Variants in TSGA10 observed in about 807,000 individuals in gnomAD.
The protein encoded by TSGA10 is testis-specific gene 10 protein.
TSGA10 carries 43 observed loss-of-function variants against 96.6 expected under a neutral mutation model. The ratio of observed to expected loss-of-function variants is 0.44; its 90% CI spans 0.35 to 0.57. The LOEUF is 0.57. Ranked by LOEUF, TSGA10 falls within the 20% of genes least tolerant of loss-of-function variation. The probability of loss-of-function intolerance (pLI) is 0.01; values close to 1 mark genes in which losing one functional copy is unlikely to be tolerated. For synonymous variants in TSGA10, 229 were observed against 269.9 expected (o/e 0.85, Z 1.48); for missense variants, 703 against 834.4 (o/e 0.84, Z 1.94).
At chr2:99,102,192 A>C in intron 10 of TSGA10, 1 of 1,588,760 alleles carries the variant, frequency 6.3e-7, no homozygotes, top group South Asian at 1.1e-5. Flanking sequence ...TATTCAGTTA[A>C]CTTTCAAACA....
At chr2:99,015,624 AC>A (rs2079445246) in intron 20 of TSGA10, among the ~76,000 whole-genome samples, 2 of 152,174 alleles carry the variant, frequency 1.3e-5, no homozygotes, top group Admixed American at 1.3e-4. Context: ...CTTCTATTCA[AC>A]ATAGTATCTG....
intron 4 of TSGA10, among the ~76,000 whole-genome samples, chr2:99,113,448 G>A (rs558066290): frequency 1.3e-5 from 2 of 152,336 alleles, no homozygotes; most frequent in East Asian, 3.9e-4. Context: ...CACCTAGCAA[G>A]GAACAGGCCT....
chr2:99,001,820 C>T (rs772836226), intron 20 of TSGA10, among the ~76,000 whole-genome samples: 10 of 151,912 alleles, frequency 6.6e-5, no homozygotes, highest in Admixed American at 1.3e-4. Flanking sequence ...AACCATGGCG[C>T]GAAAACTACA....
chr2:99,120,008 C>T (rs1473884430), intron 2 of TSGA10, among the ~76,000 whole-genome samples: 1 of 152,102 alleles, frequency 6.6e-6, no homozygotes, highest in Non-Finnish European at 1.5e-5. Context: ...CTTGGTGCTT[C>T]TCCTTTCCAG....
chr2:99,114,481 T>C (rs1464153229), intron 4 of TSGA10, among the ~76,000 whole-genome samples: 1 of 152,184 alleles, frequency 6.6e-6, no homozygotes, highest in Non-Finnish European at 1.5e-5. Flanking sequence ...AAGTTTCTGA[T>C]GTTTTTCCTG....
chr2:99,141,077 T>C, intron 1 of TSGA10: 1 of 1,282,698 alleles, frequency 7.8e-7, no homozygotes, highest in Non-Finnish European at 1.0e-6. Context: ...CCTCCGCAGC[T>C]TCTACCTGGA....
chr2:99,065,265 G>T, intron 15 of TSGA10, 141 bp from the exon 16 acceptor site: 1 of 900,842 alleles, frequency 1.1e-6, no homozygotes, highest in Non-Finnish European at 1.6e-6. Flanking sequence ...TATACTCTTA[G>T]TTTAGAAAAC....
intron 7 of TSGA10, among the ~76,000 whole-genome samples, chr2:99,107,111 C>T (rs1574417598): frequency 6.6e-6 from 1 of 152,080 alleles, no homozygotes; most frequent in East Asian, 1.9e-4. Flanking sequence ...ATTTTATTAC[C>T]ACATTGCTGA....
chr2:99,043,286 G>A (rs753943226), intron 16 of TSGA10, among the ~76,000 whole-genome samples: 5 of 152,018 alleles, frequency 3.3e-5, no homozygotes, highest in African/African-American at 4.8e-5. Context: ...ATTCTGAACT[G>A]GCAGAGGAAA....
chr2:99,030,511 G>A (rs1199728334), intron 17 of TSGA10, among the ~76,000 whole-genome samples: 3 of 151,970 alleles, frequency 2.0e-5, no homozygotes, highest in African/African-American at 4.8e-5. Flanking sequence ...GCCAGGCATG[G>A]TGACACATGT....
chr2:99,128,676 T>A (rs2092940722), intron 1 of TSGA10, among the ~76,000 whole-genome samples: 1 of 152,234 alleles, frequency 6.6e-6, no homozygotes, highest in African/African-American at 2.4e-5. Flanking sequence ...ACCCATCCAA[T>A]ATTCAGAGTA....
In TSGA10 at chr2:99,110,960, G is replaced by A. The variant is rs1043137844; in HGVS notation, c.-139-45C>T. 8 of 528,342 alleles carry A rather than the reference G, an allele frequency of 1.5e-5. No homozygotes were observed. In the East Asian group the frequency reaches 8.9e-4, roughly 59 times the overall value. 32.7% of individuals were successfully genotyped at this position (528,342 alleles called of 1,614,324 possible). On this transcript the variant is annotated intron_variant, in intron 4 of 20. Coordinates refer to ENST00000393483, the MANE Select transcript of TSGA10 (RefSeq NM_025244.4). ...AAAAAAAATTATTTCTATTAAAGATGTTTAAACTAATTGGAAAAAGAACAT... is the reference window on the plus strand; with the variant it reads ...AAAAAAAATTATTTCTATTAAAGATATTTAAACTAATTGGAAAAAGAACAT...
rs2092350443 is a variant in TSGA10 at position 99,117,690 on chromosome 2, C to A, written c.-286G>T. 2.0e-6 allele frequency: 2 copies of A among 985,670 alleles called. No individual in the cohort carries two copies. Among genetic ancestry groups the A allele is most frequent in the Non-Finnish European group, 2.4e-6 (2 of 829,902 alleles). The allele number at this position is 985,670 out of a possible 1,614,324, so 61.1% of individuals were successfully genotyped here. On this transcript the variant is annotated 5_prime_UTR_variant, in exon 4 of 21. Coordinates refer to ENST00000393483, the MANE Select transcript of TSGA10 (RefSeq NM_025244.4). ...AAATCATCTACTTGACTGCTTACCA[C>A]CTCCTTACTATCCAAGAGTTTCCTA... is the stretch of plus-strand genomic sequence containing the variant.
chr2:99,118,468 A>G, intron 3 of TSGA10, 83 bp downstream of exon 3: 1 of 434,708 alleles, frequency 2.3e-6, no homozygotes, highest in Non-Finnish European at 3.0e-6. Flanking sequence ...AAAAAAAAAA[A>G]GTATATATAC....
chr2:99,027,932 T>A (rs1247827689), intron 17 of TSGA10, among the ~76,000 whole-genome samples: 3 of 152,214 alleles, frequency 2.0e-5, no homozygotes, highest in African/African-American at 4.8e-5. Flanking sequence ...TTGGGGCTTG[T>A]TATGGTTGGC....
chr2:99,106,319 T>G (rs1008138988), intron 7 of TSGA10, among the ~76,000 whole-genome samples: 1 of 152,044 alleles, frequency 6.6e-6, no homozygotes, highest in Non-Finnish European at 1.5e-5. Context: ...ATATATAACT[T>G]CCCAATTTCC....
intron 20 of TSGA10, among the ~76,000 whole-genome samples, chr2:99,005,093 CG>C (rs1158469202): frequency 3.3e-5 from 5 of 152,148 alleles, no homozygotes; most frequent in South Asian, 2.1e-4. Context: ...AATTCAACAA[CG>C]CTTCATGCTA....
rs1390252031 is a variant in TSGA10, at chr2:99,059,047, AT to A, written c.1404+5891del. Among the ~76,000 whole-genome samples the A allele has an allele frequency of 4.1e-3, 452 of 109,298 alleles. 6 individuals carry two copies. Among genetic ancestry groups the A allele is most frequent in the African/African-American group, 0.02 (428 of 20,988 alleles). The allele number at this position is 109,298 out of a possible 152,430, so 71.7% of individuals were successfully genotyped here. ...TGAGACTCTGTCTCAAAAAAAAAAA[AT>A]AATATATATATATATATATATTTAT... On this transcript the variant is annotated intron_variant, in intron 16 of 20. Coordinates refer to ENST00000393483, the MANE Select transcript of TSGA10 (RefSeq NM_025244.4).
chr2:99,059,410 A>G (rs1474959175), intron 16 of TSGA10, among the ~76,000 whole-genome samples: 2 of 151,042 alleles, frequency 1.3e-5, no homozygotes, highest in Non-Finnish European at 3.0e-5. Flanking sequence ...CGACGTGGGC[A>G]GATCACCTGA....
Sources: allele counts gnomAD v4.1 joint callset (sites outside exome capture counted in the v4.1 genomes callset), GRCh38; gene constraint gnomAD v4.1.1; transcripts MANE v1.5; gene names NCBI Gene and HGNC (gene_info 2026-07-23, HGNC 2026-07-21).